The following ULK4 variants were observed in gnomAD, a reference collection of about 807,000 sequenced individuals.
ULK4 encodes unc-51 like kinase 4.
ULK4 carries 133 observed loss-of-function variants against 160.6 expected under a neutral mutation model. That is an observed-to-expected ratio of 0.83 (90% CI 0.72 to 0.96). The LOEUF is 0.96. ULK4 is among the 40% of genes least tolerant of loss of function. ULK4 has a pLI of 0.00. For synonymous variants in ULK4, 534 were observed against 539.8 expected, an observed-to-expected ratio of 0.99 and a Z score of 0.15; for missense variants, 1,580 against 1,499.5, an observed-to-expected ratio of 1.05 and a Z score of -0.89.
chr3:41,338,051 G>A (rs965187300), intron 35 of ULK4, among the ~76,000 whole-genome samples: 1 of 152,204 alleles, frequency 6.6e-6, no homozygotes, highest in Admixed American at 6.5e-5. Flanking sequence ...TCTTTGCCAA[G>A]AAAGCTTTTA....
At chr3:41,520,596 A>C (rs563305549) in intron 32 of ULK4, among the ~76,000 whole-genome samples, 1 of 152,290 alleles carries the variant, frequency 6.6e-6, no homozygotes, top group Non-Finnish European at 1.5e-5. Flanking sequence ...TTGCTCAATC[A>C]TATGTAATTC....
Position 41,398,105 on chromosome 3 carries a change from G to T in ULK4, c.3652C>A (p.Leu1218Ile). 1 of 1,612,882 alleles carries T rather than the reference G, an allele frequency of 6.2e-7. No homozygotes were observed. The highest frequency in any genetic ancestry group is 2.2e-5 in the East Asian group (1 of 44,838). The change falls in exon 35 of 37, where the codon CTT (leucine) becomes ATT (isoleucine). Residue 1218 changes from leucine to isoleucine, a missense_variant. Leu to Ile is a conservative substitution (Grantham distance 5, BLOSUM62 2). Transcript: ENST00000301831. ...ATTCTTCTGAGAATCCTTAACAGAA[G>T]CTTCTGCTCCTTTGGGTCCTCCTTG... Reference protein sequence around the residue: ...TSKEDPKEQKLLLRILRRMIT... With the variant: ...TSKEDPKEQKILLRILRRMIT...
chr3:41,762,697 C>T (rs2039028065), intron 21 of ULK4, among the ~76,000 whole-genome samples: 1 of 135,812 alleles, frequency 7.4e-6, no homozygotes, highest in South Asian at 2.4e-4. Context: ...GAGTCTCGCT[C>T]TGTCGCCCAG....
intron 18 of ULK4, among the ~76,000 whole-genome samples, chr3:41,833,031 A>C (rs1222765646): frequency 6.6e-6 from 1 of 152,158 alleles, no homozygotes; most frequent in Non-Finnish European, 1.5e-5. Flanking sequence ...CTGTGGTTCC[A>C]TATGAAATTT....
chr3:41,611,797 T>C (rs952900544), intron 31 of ULK4, among the ~76,000 whole-genome samples: 1 of 152,158 alleles, frequency 6.6e-6, no homozygotes, highest in Non-Finnish European at 1.5e-5. Flanking sequence ...TTAAAGAGCA[T>C]AAATTATTTG....
intron 32 of ULK4, among the ~76,000 whole-genome samples, chr3:41,483,479 A>T (rs1162407799): frequency 6.6e-6 from 1 of 151,968 alleles, no homozygotes; most frequent in Non-Finnish European, 1.5e-5. Context: ...GGTCAGATTG[A>T]TATTCAGAGA....
chr3:41,525,871 T>A (rs2086098224), intron 32 of ULK4, among the ~76,000 whole-genome samples: 1 of 152,250 alleles, frequency 6.6e-6, no homozygotes, highest in Non-Finnish European at 1.5e-5. Flanking sequence ...CGTCATTGTC[T>A]CTATGCACAG....
chr3:41,921,269 G>T (rs548356612), intron 5 of ULK4, among the ~76,000 whole-genome samples: 1 of 151,780 alleles, frequency 6.6e-6, no homozygotes, highest in African/African-American at 2.4e-5. Context: ...CCAAGATCAC[G>T]CCACTGCTCT....
chr3:41,401,624 T>C (rs2082180511), intron 34 of ULK4, among the ~76,000 whole-genome samples: 1 of 152,172 alleles, frequency 6.6e-6, no homozygotes, highest in Non-Finnish European at 1.5e-5. Context: ...TGCTGAATTA[T>C]TCTCTGTTTT....
intron 2 of ULK4, among the ~76,000 whole-genome samples, chr3:41,948,216 C>A (rs949993604): frequency 6.6e-6 from 1 of 152,054 alleles, no homozygotes; most frequent in Non-Finnish European, 1.5e-5. Flanking sequence ...TTCGGGAGGT[C>A]GAGGTGGGCG....
chr3:41,508,068 T>C (rs1169531027), intron 32 of ULK4, among the ~76,000 whole-genome samples: 2 of 152,220 alleles, frequency 1.3e-5, no homozygotes, highest in African/African-American at 4.8e-5. Context: ...CTGGCTCCTC[T>C]ACTAGAGTCG....
chr3:41,907,293 TTTTA>T (rs1426204381), intron 12 of ULK4, among the ~76,000 whole-genome samples: 3 of 90,542 alleles, frequency 3.3e-5, no homozygotes, highest in Non-Finnish European at 5.8e-5. Flanking sequence ...AATTGTACCC[TTTTA>T]TTTATTTTTT....
At chr3:41,408,542 G>A (rs971576414) in intron 34 of ULK4, among the ~76,000 whole-genome samples, 4 of 151,234 alleles carry the variant, frequency 2.6e-5, no homozygotes, top group South Asian at 2.1e-4. Flanking sequence ...ACTCAAAATC[G>A]ATCTATAGAT....
At chr3:41,431,357 ATAAT>A (rs1226578007) in intron 34 of ULK4, among the ~76,000 whole-genome samples, 1 of 43,532 alleles carries the variant, frequency 2.3e-5, no homozygotes. Context: ...ACACACACAA[ATAAT>A]AATAATAATA....
At chr3:41,871,902 T>C (rs1019124324) in intron 17 of ULK4, among the ~76,000 whole-genome samples, 6 of 152,200 alleles carry the variant, frequency 3.9e-5, no homozygotes, top group Non-Finnish European at 8.8e-5. Flanking sequence ...CTAAAATCTC[T>C]TTATCTAAGT....
chr3:41,744,762 TG>T (rs1229470277), intron 22 of ULK4, among the ~76,000 whole-genome samples: 2 of 151,892 alleles, frequency 1.3e-5, no homozygotes, highest in African/African-American at 4.9e-5. Context: ...AGAATGTACA[TG>T]CTTTTCAAGC....
In ULK4 at chr3:41,774,616, G is replaced by C. The variant is rs112547270; in HGVS notation, c.2193+15045C>G. Among the ~76,000 whole-genome samples, 1,000 of 148,416 alleles carry C rather than the reference G, an allele frequency of 6.7e-3. 5 individuals are homozygous for C. The highest frequency in any genetic ancestry group is 8.6e-3 in the East Asian group (44 of 5,112). On this transcript the variant is annotated intron_variant, in intron 21 of 36. Transcript: ENST00000301831. ...GTGGAGAAATAGGAACACTTTTACA[G>C]TGTTGGTGGGACTGTAAACTAGTTC...
chr3:41,664,961 T>C (rs2035308015), intron 29 of ULK4, among the ~76,000 whole-genome samples: 2 of 152,352 alleles, frequency 1.3e-5, no homozygotes, highest in South Asian at 4.1e-4. Context: ...TCTTACCTAT[T>C]TGAGGTTTGC....
At chr3:41,369,054 C>T (rs2081309250) in intron 35 of ULK4, among the ~76,000 whole-genome samples, 1 of 152,184 alleles carries the variant, frequency 6.6e-6, no homozygotes, top group Non-Finnish European at 1.5e-5. Flanking sequence ...AATAAACAGA[C>T]ATTCTTGTAT....
Sources: gnomAD v4.1 joint callset for allele counts (sites outside exome capture counted in the v4.1 genomes callset) on GRCh38, gnomAD v4.1.1 for gene constraint, MANE v1.5 for transcripts, NCBI Gene and HGNC (gene_info 2026-07-23, HGNC 2026-07-21) for gene names.